The following DMD variants were observed in gnomAD, a reference collection of about 807,000 sequenced individuals.
DMD encodes dystrophin.
A neutral mutation model predicts 330.1 loss-of-function variants in DMD; 63 were observed. That is an observed-to-expected ratio of 0.19 (90% CI 0.16 to 0.24). The LOEUF is 0.24. DMD is among the 10% of genes least tolerant of loss of function. The pLI, the probability that DMD is intolerant of heterozygous loss-of-function variation, is 1.00. For synonymous variants in DMD, 1,223 were observed against 959.8 expected (o/e 1.27, Z -5.07); for missense variants, 3,344 against 2,684.1 (o/e 1.25, Z -5.43).
At position 31,966,368 on chromosome X, in the gene DMD, A is replaced by T. The variant is rs185591512; in HGVS notation, c.6614+1971T>A. 2.8e-3 allele frequency among the ~76,000 whole-genome samples: 314 copies of T among 111,223 alleles called. 1 individual carries two copies. The highest frequency in any genetic ancestry group is 9.8e-3 in the African/African-American group (302 of 30,764). On this transcript the variant is annotated intron_variant, in intron 45 of 78. Transcript: ENST00000357033. ...AGAACCAGTACTTATATTTTATTAC[A>T]TTTTTACATTTCATAAAATTTAAGT...
intron 16 of DMD, among the ~76,000 whole-genome samples, chrX:32,558,558 A>G (rs1408859545): frequency 1.8e-5 from 2 of 111,507 alleles, no homozygotes; most frequent in Non-Finnish European, 3.8e-5. Flanking sequence ...TAGGGATAGG[A>G]TGTTATTATC....
intron 2 of DMD, among the ~76,000 whole-genome samples, chrX:33,010,397 G>A (rs1020382178): frequency 1.9e-5 from 2 of 107,334 alleles, no homozygotes; most frequent in African/African-American, 6.8e-5. Flanking sequence ...TTAAAAAATA[G>A]GTATAGGTTG....
intron 37 of DMD, among the ~76,000 whole-genome samples, chrX:32,359,769 T>A (rs966674110): frequency 9.0e-6 from 1 of 111,336 alleles, no homozygotes; most frequent in Non-Finnish European, 1.9e-5. Flanking sequence ...TAATTTATAC[T>A]TCCTGAATTC....
intron 62 of DMD, among the ~76,000 whole-genome samples, chrX:31,274,088 G>A (rs2051892436): frequency 8.9e-6 from 1 of 112,000 alleles, no homozygotes; most frequent in Non-Finnish European, 1.9e-5. Flanking sequence ...TTAGATTGTC[G>A]TGTGAGGGAA....
chrX:32,621,737 G>A (rs893478179), intron 11 of DMD, among the ~76,000 whole-genome samples: 1 of 110,596 alleles, frequency 9.0e-6, no homozygotes, highest in Non-Finnish European at 1.9e-5. Flanking sequence ...TTTAATGACT[G>A]GTACAGTCAC....
At chrX:32,787,642 T>C (rs889134965) in intron 7 of DMD, among the ~76,000 whole-genome samples, 3 of 111,358 alleles carry the variant, frequency 2.7e-5, no homozygotes, top group African/African-American at 9.8e-5. Flanking sequence ...AGAACAATTA[T>C]AGCAATATGC....
chrX:32,538,325 C>T (rs1310549575), intron 17 of DMD, among the ~76,000 whole-genome samples: 2 of 111,475 alleles, frequency 1.8e-5, no homozygotes, highest in Non-Finnish European at 3.8e-5. Context: ...CCACCTTAAC[C>T]GAGCGATTAA....
chrX:32,760,196 A>G (rs1174139088), intron 7 of DMD, among the ~76,000 whole-genome samples: 1 of 112,043 alleles, frequency 8.9e-6, no homozygotes, highest in Non-Finnish European at 1.9e-5. Context: ...CCCAAGGATC[A>G]ATTAGATAAT....
At chrX:31,684,182 A>C (rs755256026) in intron 52 of DMD, among the ~76,000 whole-genome samples, 1 of 111,976 alleles carries the variant, frequency 8.9e-6, no homozygotes, top group Non-Finnish European at 1.9e-5. Context: ...AGATTAAAAA[A>C]TACCTATGAA....
intron 55 of DMD, among the ~76,000 whole-genome samples, chrX:31,616,368 A>G (rs1341437079): frequency 8.9e-6 from 1 of 111,829 alleles, no homozygotes; most frequent in African/African-American, 3.3e-5. Flanking sequence ...GATCATCGAA[A>G]GACACAGAAG....
intron 18 of DMD, among the ~76,000 whole-genome samples, chrX:32,504,709 G>C (rs1289254730): frequency 9.0e-6 from 1 of 110,993 alleles, no homozygotes; most frequent in East Asian, 2.8e-4. Flanking sequence ...TGTTTTCTTG[G>C]ATACACATGG....
Position 32,783,242 on chromosome X carries a change from A to G in DMD, c.649+26251T>C, listed in dbSNP as rs984525061. Among the ~76,000 whole-genome samples the G allele has an allele frequency of 3.0e-5, 3 of 100,495 alleles. No individual in the cohort carries two copies. The East Asian group carries it at 9.3e-4, about 31-fold the overall frequency. The allele number at this position is 100,495 out of a possible 115,157, so 87.3% of individuals were successfully genotyped here. A position where few individuals can be genotyped will look rare whatever the true frequency, so the allele number is the denominator to read the frequency against. On this transcript the variant is annotated intron_variant, in intron 7 of 78. Transcript: ENST00000357033. ...TATACGTGTATACGTATATACACAT[A>G]TGTGTATATACGTATATACACATAT... is the stretch of plus-strand genomic sequence containing the variant.
At chrX:33,016,148 C>T (rs1235827552) in intron 2 of DMD, among the ~76,000 whole-genome samples, 1 of 110,642 alleles carries the variant, frequency 9.0e-6, no homozygotes, top group African/African-American at 3.3e-5. Flanking sequence ...CAGGACTCCA[C>T]AAACAAGTTT....
chrX:31,922,478 G>A (rs2094703912), intron 47 of DMD, among the ~76,000 whole-genome samples: 1 of 106,816 alleles, frequency 9.4e-6, no homozygotes. Context: ...AAGTTCCAGA[G>A]GCCTGGACTT....
chrX:31,999,493 A>G (rs1162639931), intron 44 of DMD, among the ~76,000 whole-genome samples: 2 of 112,160 alleles, frequency 1.8e-5, no homozygotes, highest in African/African-American at 6.5e-5. Flanking sequence ...TAGAAGAACC[A>G]TATAAAAGGA....
At chrX:31,271,790 C>T (rs2051652988) in intron 62 of DMD, among the ~76,000 whole-genome samples, 1 of 111,476 alleles carries the variant, frequency 9.0e-6, no homozygotes, top group Non-Finnish European at 1.9e-5. Flanking sequence ...AAGTACTAAC[C>T]ATGAACAGTG....
At chrX:32,893,461 T>C (rs1179178696) in intron 2 of DMD, among the ~76,000 whole-genome samples, 2 of 78,808 alleles carry the variant, frequency 2.5e-5, no homozygotes, top group Non-Finnish European at 2.6e-5. Flanking sequence ...TTACAAGATA[T>C]ATGTGAATTA....
intron 43 of DMD, among the ~76,000 whole-genome samples, chrX:32,276,906 T>G (rs1408309827): frequency 9.3e-6 from 1 of 107,199 alleles, no homozygotes; most frequent in Non-Finnish European, 1.9e-5. Context: ...GGCAACAGAG[T>G]GAGATGCTGT....
chrX:32,350,466 G>A (rs1307795869), intron 37 of DMD, among the ~76,000 whole-genome samples: 1 of 111,004 alleles, frequency 9.0e-6, no homozygotes, highest in Non-Finnish European at 1.9e-5. Context: ...TCATTCAGGC[G>A]TAAAACGTAA....
Sources: allele counts gnomAD v4.1 joint callset (sites outside exome capture counted in the v4.1 genomes callset), GRCh38; gene constraint gnomAD v4.1.1; transcripts MANE v1.5; gene names NCBI Gene and HGNC (gene_info 2026-07-23, HGNC 2026-07-21).